SNAP91: variants seen among roughly 807,000 people sequenced by gnomAD.
SNAP91 encodes the protein synaptosome associated protein 91.
SNAP91 carries 27 observed loss-of-function variants against 100.3 expected under a neutral mutation model. That is an observed-to-expected ratio of 0.27 (90% confidence interval 0.20 to 0.37). SNAP91 has a LOEUF of 0.37. SNAP91 is among the 10% of genes least tolerant of loss of function. SNAP91 has a pLI of 1.00. For synonymous variants in SNAP91, 404 were observed against 398.6 expected, an observed-to-expected ratio of 1.01 and a Z score of -0.16; for missense variants, 986 against 1,123.7, an observed-to-expected ratio of 0.88 and a Z score of 1.75.
At chr6:83,617,542 G>T (rs1398228021) in intron 9 of SNAP91, among the ~76,000 whole-genome samples, 2 of 151,510 alleles carry the variant, frequency 1.3e-5, no homozygotes, top group East Asian at 1.9e-4. Flanking sequence ...GTGGGGAAAA[G>T]AATATAATTC....
At chr6:83,673,771 C>T (rs1158715967) in intron 2 of SNAP91, among the ~76,000 whole-genome samples, 1 of 152,228 alleles carries the variant, frequency 6.6e-6, no homozygotes, top group Non-Finnish European at 1.5e-5. Context: ...CATCCCTTCT[C>T]TGCCCATCAG....
chr6:83,678,210 C>T (rs368299080), intron 2 of SNAP91, among the ~76,000 whole-genome samples: 2 of 152,070 alleles, frequency 1.3e-5, no homozygotes, highest in Non-Finnish European at 1.5e-5. Flanking sequence ...CAAATTATCT[C>T]CAAAACAGTA....
intron 8 of SNAP91, among the ~76,000 whole-genome samples, chr6:83,631,873 T>C (rs2097218226): frequency 6.6e-6 from 1 of 152,166 alleles, no homozygotes; most frequent in Non-Finnish European, 1.5e-5. Flanking sequence ...TTCCATTCAT[T>C]GTGCTATTTG....
chr6:83,705,037 C>G (rs2099360206), intron 2 of SNAP91, among the ~76,000 whole-genome samples: 1 of 152,144 alleles, frequency 6.6e-6, no homozygotes, highest in African/African-American at 2.4e-5. Flanking sequence ...GAATTCTGAG[C>G]AAAGATGTCC....
chr6:83,690,848 ATTAG>A (rs781171583), intron 2 of SNAP91, among the ~76,000 whole-genome samples: 1 of 152,118 alleles, frequency 6.6e-6, no homozygotes, highest in Non-Finnish European at 1.5e-5. Flanking sequence ...TATAAGGAAA[ATTAG>A]TTAAACTACA....
intron 14 of SNAP91, 125 bp downstream of exon 14, chr6:83,605,559 AT>A: frequency 7.8e-7 from 1 of 1,288,102 alleles, no homozygotes. Flanking sequence ...CATTCTTAAC[AT>A]TTTCCCTCCA....
rs552610483 is a variant in SNAP91, at chr6:83,612,028, A to G, written c.885-1351T>C. Among the ~76,000 whole-genome samples the G allele has an allele frequency of 4.0e-4, 60 of 151,692 alleles. 3 individuals carry two copies. The highest frequency in any genetic ancestry group is 2.3e-3 in the South Asian group (11 of 4,794). The stretch of plus-strand genomic sequence containing the variant: ...GAGCCACCGCGCCAGGCCCAAGTTA[A>G]TATCTTTTAAGTTCAACTTCATTTG... On this transcript the variant is annotated intron_variant, in intron 11 of 29. Coordinates refer to ENST00000369694, the MANE Select transcript of SNAP91 (RefSeq NM_001242792.2).
intron 7 of SNAP91, among the ~76,000 whole-genome samples, chr6:83,648,338 T>G (rs2098041647): frequency 6.6e-6 from 1 of 152,182 alleles, no homozygotes; most frequent in African/African-American, 2.4e-5. Flanking sequence ...ATACATCTTT[T>G]GTTTATCTAT....
At chr6:83,639,632 C>T (rs1183544192) in intron 8 of SNAP91, among the ~76,000 whole-genome samples, 1 of 151,996 alleles carries the variant, frequency 6.6e-6, no homozygotes, top group East Asian at 1.9e-4. Context: ...TAAAATTTTA[C>T]ATGTTAAAAC....
intron 29 of SNAP91, 116 bp from the exon 30 acceptor site, chr6:83,554,401 G>C (rs1774488680): frequency 6.0e-6 from 1 of 167,574 alleles, no homozygotes; most frequent in Non-Finnish European, 1.3e-5. Flanking sequence ...TACATAAAAA[G>C]GTCTCTGCAT....
chr6:83,679,041 C>G (rs2098950474), intron 2 of SNAP91: 2 of 297,594 alleles, frequency 6.7e-6, no homozygotes, highest in Non-Finnish European at 1.2e-5. Context: ...AAAAGAAAAC[C>G]ACCACACACA....
chr6:83,704,435 T>C (rs1397166272), intron 2 of SNAP91, among the ~76,000 whole-genome samples: 1 of 152,202 alleles, frequency 6.6e-6, no homozygotes, highest in African/African-American at 2.4e-5. Context: ...AGAAAAAAAA[T>C]CTGGGAATAA....
chr6:83,572,600 A>G (rs1456702534), intron 26 of SNAP91, among the ~76,000 whole-genome samples: 1 of 151,966 alleles, frequency 6.6e-6, no homozygotes, highest in Admixed American at 6.6e-5. Flanking sequence ...CCAGATACTA[A>G]TGTTCTCACC....
intron 8 of SNAP91, among the ~76,000 whole-genome samples, chr6:83,635,213 ATCTG>A (rs202177430): frequency 6.6e-6 from 1 of 152,032 alleles, no homozygotes; most frequent in African/African-American, 2.4e-5. Flanking sequence ...TGCCTCAATG[ATCTG>A]TCTAATGCTT....
chr6:83,577,799 T>G (rs1821589383), intron 24 of SNAP91, among the ~76,000 whole-genome samples: 2 of 152,196 alleles, frequency 1.3e-5, no homozygotes, highest in African/African-American at 2.4e-5. Context: ...GGTTTTAGTT[T>G]ATTCACAGTG....
chr6:83,561,545 A>C (rs519458), intron 26 of SNAP91, among the ~76,000 whole-genome samples: 14 of 152,106 alleles, frequency 9.2e-5, no homozygotes, highest in African/African-American at 3.1e-4. Flanking sequence ...TGGCTTGCAG[A>C]TTGCTCATAA....
chr6:83,638,531 C>T (rs1482240760), intron 8 of SNAP91, among the ~76,000 whole-genome samples: 2 of 152,052 alleles, frequency 1.3e-5, no homozygotes, highest in Non-Finnish European at 2.9e-5. Context: ...TTAGATGATC[C>T]ATTTAAAAAT....
At chr6:83,601,504 A>C in intron 15 of SNAP91, 66 bp from the exon 16 acceptor site, 1 of 1,610,528 alleles carries the variant, frequency 6.2e-7, no homozygotes, top group Non-Finnish European at 8.5e-7. Flanking sequence ...GATATACCAG[A>C]CTCCAAATGA....
At chr6:83,686,725 T>C (rs2099066714) in intron 2 of SNAP91, 1 of 152,242 alleles carries the variant, frequency 6.6e-6, no homozygotes, top group Non-Finnish European at 1.5e-5. Context: ...TGGATGACAC[T>C]AAATTTACCA....
Sources: allele counts gnomAD v4.1 joint callset (sites outside exome capture counted in the v4.1 genomes callset), GRCh38; gene constraint gnomAD v4.1.1; transcripts MANE v1.5; gene names NCBI Gene and HGNC (gene_info 2026-07-23, HGNC 2026-07-21).